NTN1: variants seen among roughly 807,000 people sequenced by gnomAD.
NTN1 encodes the protein netrin 1.
A neutral mutation model predicts 54.2 loss-of-function variants in NTN1; 11 were observed. The ratio of observed to expected loss-of-function variants is 0.20; its 90% CI spans 0.13 to 0.34. The LOEUF (loss-of-function observed/expected upper bound fraction) is 0.34. NTN1 is among the 10% of genes least tolerant of loss of function. The pLI, the probability that NTN1 is intolerant of heterozygous loss-of-function variation, is 1.00. For synonymous variants in NTN1, 371 were observed against 382.0 expected (o/e 0.97, Z 0.33); for missense variants, 740 against 893.1 (o/e 0.83, Z 2.18).
chr17:9,112,819 G>A (rs1423113341), intron 2 of NTN1, among the ~76,000 whole-genome samples: 2 of 69,310 alleles, frequency 2.9e-5, no homozygotes, highest in African/African-American at 5.8e-5. Flanking sequence ...GCGAGACTCC[G>A]TCTCAAAAAA....
chr17:9,200,694 A>T (rs1904756094), intron 5 of NTN1, among the ~76,000 whole-genome samples: 1 of 152,196 alleles, frequency 6.6e-6, no homozygotes, highest in Non-Finnish European at 1.5e-5. Flanking sequence ...CCATTTATTC[A>T]TTTTCTCTTC....
chr17:9,059,840 A>G (rs1020707231), intron 2 of NTN1, among the ~76,000 whole-genome samples: 1 of 152,016 alleles, frequency 6.6e-6, no homozygotes, highest in Admixed American at 6.6e-5. Flanking sequence ...AAAAAAAAAA[A>G]AAAAAAAGAC....
At chr17:9,075,529 C>T (rs759455440) in intron 2 of NTN1, among the ~76,000 whole-genome samples, 2 of 152,102 alleles carry the variant, frequency 1.3e-5, no homozygotes, top group Non-Finnish European at 2.9e-5. Flanking sequence ...ATAAAAAAAA[C>T]TTAAATAAAA....
At chr17:9,128,144 A>T (rs1389572703) in intron 2 of NTN1, among the ~76,000 whole-genome samples, 1 of 148,832 alleles carries the variant, frequency 6.7e-6, no homozygotes, top group Non-Finnish European at 1.5e-5. Flanking sequence ...ATAAATAAAT[A>T]AATAATAATA....
At chr17:9,030,605 C>T (rs1039381882) in intron 2 of NTN1, among the ~76,000 whole-genome samples, 3 of 151,964 alleles carry the variant, frequency 2.0e-5, no homozygotes, top group Non-Finnish European at 4.4e-5. Context: ...ATTAGTCAGG[C>T]GTGGTGGCAC....
chr17:9,086,498 C>G (rs868866818), intron 2 of NTN1, among the ~76,000 whole-genome samples: 9 of 152,116 alleles, frequency 5.9e-5, no homozygotes, highest in Admixed American at 3.3e-4. Context: ...GGAATGTACA[C>G]CAGCAATTAC....
chr17:9,098,679 C>G (rs893039978), intron 2 of NTN1, among the ~76,000 whole-genome samples: 1 of 152,140 alleles, frequency 6.6e-6, no homozygotes, highest in South Asian at 2.1e-4. Context: ...ACAAGCACCC[C>G]CAGTAGCTGG....
chr17:9,215,250 T>TAA (rs367934236), intron 5 of NTN1, among the ~76,000 whole-genome samples: 2 of 138,210 alleles, frequency 1.4e-5, no homozygotes, highest in African/African-American at 5.4e-5. Context: ...GCTAGATAGA[T>TAA]ACACACACAC....
intron 5 of NTN1, among the ~76,000 whole-genome samples, chr17:9,193,935 A>ACAC (rs1555574988): frequency 4.0e-5 from 5 of 123,634 alleles, no homozygotes; most frequent in African/African-American, 1.4e-4. Context: ...AAAAAAAAAA[A>ACAC]AAAAAAAAAC....
At chr17:9,086,582 C>T (rs1460642431) in intron 2 of NTN1, among the ~76,000 whole-genome samples, 2 of 152,108 alleles carry the variant, frequency 1.3e-5, no homozygotes, top group Non-Finnish European at 2.9e-5. Context: ...ACTTGCGGGG[C>T]AGGATCAGGG....
At chr17:9,167,132 C>T (rs956923744) in intron 3 of NTN1, among the ~76,000 whole-genome samples, 8 of 152,214 alleles carry the variant, frequency 5.3e-5, no homozygotes, top group Non-Finnish European at 1.2e-4. Flanking sequence ...TGCGATTTCA[C>T]AGCACTGGGA....
At chr17:9,136,845 C>T (rs963296387) in intron 2 of NTN1, among the ~76,000 whole-genome samples, 8 of 152,292 alleles carry the variant, frequency 5.3e-5, no homozygotes, top group Non-Finnish European at 8.8e-5. Context: ...TCTTCGCAGT[C>T]GGAGCCTGTT....
intron 3 of NTN1, among the ~76,000 whole-genome samples, chr17:9,163,864 T>C (rs1431138952): frequency 6.6e-6 from 1 of 152,110 alleles, no homozygotes; most frequent in Admixed American, 6.5e-5. Flanking sequence ...TGGCCTAAGG[T>C]CAGGGCCTGC....
At chr17:9,140,517 G>A (rs1184398300) in intron 2 of NTN1, among the ~76,000 whole-genome samples, 1 of 152,252 alleles carries the variant, frequency 6.6e-6, no homozygotes, top group East Asian at 1.9e-4. Flanking sequence ...CCAGATGTGT[G>A]TGTGCAGGTG....
chr17:9,188,833 G>A (rs1158687814), intron 5 of NTN1, among the ~76,000 whole-genome samples: 6 of 152,196 alleles, frequency 3.9e-5, no homozygotes, highest in Non-Finnish European at 5.9e-5. Flanking sequence ...GGTCCACAGA[G>A]GAGACCACTG....
chr17:9,161,064 G>A (rs1254428715), intron 2 of NTN1, among the ~76,000 whole-genome samples: 2 of 152,244 alleles, frequency 1.3e-5, no homozygotes, highest in African/African-American at 2.4e-5. Flanking sequence ...TGAACGAGAA[G>A]AGGCCAGACC....
intron 2 of NTN1, among the ~76,000 whole-genome samples, chr17:9,132,169 C>T (rs973210600): frequency 6.6e-5 from 10 of 152,106 alleles, no homozygotes; most frequent in East Asian, 1.9e-4. Flanking sequence ...TCCAGTCCCT[C>T]GTCACCTGGC....
Position 9,022,978 on chromosome 17 carries a change from T to C in NTN1, c.605T>C (p.Val202Ala). Reference sequence around the variant, plus strand: ...ACCAAGCAGAACGAGCAGGAGGCCGTGTGCACCGACTCGCACACCGACATG... The same window carrying C: ...ACCAAGCAGAACGAGCAGGAGGCCGCGTGCACCGACTCGCACACCGACATG... ...PITKQNEQEAVCTDSHTDMRP... is the reference protein window; with the variant it reads ...PITKQNEQEAACTDSHTDMRP... The change falls in exon 2 of 7, where the codon GTG becomes GCG. Residue 202 changes from valine to alanine, a missense_variant. Coordinates refer to ENST00000173229, the MANE Select transcript of NTN1 (RefSeq NM_004822.3). 6.2e-7 allele frequency: 1 copy of C among 1,610,518 alleles called. No individual in the cohort carries two copies. The highest frequency in any genetic ancestry group is 8.5e-7 in the Non-Finnish European group (1 of 1,179,288).
intron 2 of NTN1, among the ~76,000 whole-genome samples, chr17:9,026,953 T>C (rs1372685996): frequency 3.0e-5 from 4 of 133,604 alleles, no homozygotes; most frequent in African/African-American, 1.2e-4. Context: ...CCGTGCTGGG[T>C]TGGCCTCTTA....
Sources: gnomAD v4.1 joint callset for allele counts (sites outside exome capture counted in the v4.1 genomes callset) on GRCh38, gnomAD v4.1.1 for gene constraint, MANE v1.5 for transcripts, NCBI Gene and HGNC (gene_info 2026-07-23, HGNC 2026-07-21) for gene names.